The following IQSEC1 variants were observed in gnomAD, a reference collection of about 807,000 sequenced individuals.
The protein encoded by IQSEC1 is IQ motif and SEC7 domain-containing protein 1.
Under a neutral mutation model 91.0 loss-of-function variants are expected in IQSEC1, and 31 were observed. That is an observed-to-expected ratio of 0.34 (90% CI 0.26 to 0.46). The LOEUF is 0.46. Ranked by LOEUF, IQSEC1 falls within the 20% of genes least tolerant of loss-of-function variation. IQSEC1 has a pLI of 1.00. For missense variants in IQSEC1, 1,388 were observed against 1,575.6 expected (o/e 0.88, Z 2.02); for synonymous variants, 699 against 662.6 (o/e 1.05, Z -0.84).
intron 1 of IQSEC1, among the ~76,000 whole-genome samples, chr3:12,951,443 C>G (rs1239154119): frequency 8.8e-6 from 1 of 114,086 alleles, no homozygotes; most frequent in Admixed American, 8.9e-5. Flanking sequence ...GAACCTCTAT[C>G]TCAAAAAAAA....
At chr3:12,948,294 C>T (rs1438645474) in intron 1 of IQSEC1, among the ~76,000 whole-genome samples, 23 of 152,258 alleles carry the variant, frequency 1.5e-4, no homozygotes, top group Admixed American at 1.5e-3. Context: ...GAAGGGCAGA[C>T]AAGCCTAGTG....
intron 2 of IQSEC1, among the ~76,000 whole-genome samples, chr3:13,119,750 G>C (rs1706393504): frequency 6.6e-6 from 1 of 152,234 alleles, no homozygotes; most frequent in African/African-American, 2.4e-5. Flanking sequence ...CGATTGTGAT[G>C]GATGACACCG....
chr3:13,085,921 T>C (rs532981250), intron 2 of IQSEC1, among the ~76,000 whole-genome samples: 3 of 152,310 alleles, frequency 2.0e-5, no homozygotes, highest in East Asian at 1.9e-4. Context: ...TGTCACCCGC[T>C]ATCCTTACCC....
intron 1 of IQSEC1, among the ~76,000 whole-genome samples, chr3:13,014,002 GC>G (rs1203597771): frequency 1.3e-5 from 2 of 152,202 alleles, no homozygotes; most frequent in Non-Finnish European, 2.9e-5. Flanking sequence ...ACCGAAATGG[GC>G]CTTGAACACA....
intron 8 of IQSEC1, 75 bp downstream of exon 8, chr3:12,915,029 C>T: frequency 1.4e-6 from 2 of 1,470,170 alleles, no homozygotes; most frequent in Non-Finnish European, 1.9e-6. Flanking sequence ...GCCTGGGGAG[C>T]CGGCGGACTG....
At chr3:13,086,557 G>T (rs750514339) in intron 2 of IQSEC1, among the ~76,000 whole-genome samples, 2 of 152,160 alleles carry the variant, frequency 1.3e-5, no homozygotes, top group Non-Finnish European at 2.9e-5. Context: ...CGTGGTAAAT[G>T]CAAATCAGAC....
chr3:12,945,522 C>T (rs1250525301), intron 1 of IQSEC1, among the ~76,000 whole-genome samples: 1 of 146,954 alleles, frequency 6.8e-6, no homozygotes, highest in East Asian at 1.9e-4. Context: ...GGCAGCCCTT[C>T]CACACTCCAA....
chr3:13,214,071 G>C lies in IQSEC1; in HGVS notation c.273-49938C>G, dbSNP rs1237316302. Among the ~76,000 whole-genome samples, 1 of 152,076 alleles carries C rather than the reference G, an allele frequency of 6.6e-6. No individual in the cohort carries two copies. Among genetic ancestry groups the C allele is most frequent in the Non-Finnish European group, 1.5e-5 (1 of 68,022 alleles). On this transcript the variant is annotated intron_variant, in intron 1 of 15. Transcript: ENST00000648114. This position sits in a 1 kb window ranked among gnomAD's most constrained non-coding sequence, Gnocchi z 4.5. ...TGATAGGCCTGTCCCCTGTGTCCCT[G>C]TCCACTGTGCTCTGTCCACACGGCC...
intron 1 of IQSEC1, among the ~76,000 whole-genome samples, chr3:13,232,095 G>A (rs1694847796): frequency 6.6e-6 from 1 of 152,214 alleles, no homozygotes; most frequent in Non-Finnish European, 1.5e-5. Context: ...AATAGTTAGG[G>A]CACTGTACTG....
intron 1 of IQSEC1, among the ~76,000 whole-genome samples, chr3:13,240,537 A>G (rs13059773): frequency 0.076 from 11,581 of 152,158 alleles, 817 homozygotes; most frequent in African/African-American, 0.18. Context: ...ATGAATGGCA[A>G]GGGAGCCTGG....
chr3:13,175,784 T>C (rs943013033), intron 1 of IQSEC1, among the ~76,000 whole-genome samples: 2 of 152,246 alleles, frequency 1.3e-5, no homozygotes, highest in African/African-American at 4.8e-5. Flanking sequence ...ACTTTGGTGC[T>C]GTCCTCATAT....
rs569920734 is a variant in IQSEC1, at chr3:12,970,626, C to G, written c.24-28761G>C. 6.6e-6 allele frequency among the ~76,000 whole-genome samples: 1 copy of G among 152,134 alleles called. No individual in the cohort carries two copies. The highest frequency in any genetic ancestry group is 1.5e-5 in the Non-Finnish European group (1 of 68,038). Reference sequence around the variant, plus strand: ...CCTGGTTCATCTCTCCATCCCTTACCTCTCCTCCTGCCCACTCTATGCCTG... The same window carrying G: ...CCTGGTTCATCTCTCCATCCCTTACGTCTCCTCCTGCCCACTCTATGCCTG... On this transcript the variant is annotated intron_variant, in intron 1 of 13. Transcript: ENST00000613206. This position sits in a 1 kb window ranked among gnomAD's most constrained non-coding sequence, Gnocchi z 4.4.
intron 2 of IQSEC1, among the ~76,000 whole-genome samples, chr3:13,163,039 T>C (rs1707206849): frequency 6.6e-6 from 1 of 152,142 alleles, no homozygotes; most frequent in Admixed American, 6.5e-5. Context: ...AGCATGCCTC[T>C]GCTTCCTGCG....
At chr3:13,085,895 C>A in intron 2 of IQSEC1, among the ~76,000 whole-genome samples, 1 of 152,240 alleles carries the variant, frequency 6.6e-6, no homozygotes, top group Non-Finnish European at 1.5e-5. Context: ...TCAGACAGTC[C>A]TCACCTGCAG....
At chr3:12,929,430 A>G (rs1697458957) in intron 3 of IQSEC1, among the ~76,000 whole-genome samples, 1 of 152,204 alleles carries the variant, frequency 6.6e-6, no homozygotes, top group Admixed American at 6.5e-5. Flanking sequence ...CTGGGCAGAG[A>G]GCCAGGAAGA....
intron 1 of IQSEC1, among the ~76,000 whole-genome samples, chr3:13,024,477 C>T (rs927480938): frequency 7.4e-6 from 1 of 135,950 alleles, no homozygotes. Context: ...ATCCACCCAT[C>T]CATCCATCTG....
intron 2 of IQSEC1, among the ~76,000 whole-genome samples, chr3:13,162,639 A>G (rs1707197907): frequency 6.6e-6 from 1 of 152,178 alleles, no homozygotes; most frequent in Admixed American, 6.5e-5. Context: ...ATTAAATAAG[A>G]ATATACGTAC....
chr3:12,944,581 G>A (rs1490973761), intron 1 of IQSEC1, among the ~76,000 whole-genome samples: 2 of 152,178 alleles, frequency 1.3e-5, no homozygotes, highest in Non-Finnish European at 2.9e-5. Flanking sequence ...TTTGCAGCCC[G>A]AGGGCACATC....
chr3:13,225,131 C>T (rs1353068786), intron 1 of IQSEC1, among the ~76,000 whole-genome samples: 2 of 152,210 alleles, frequency 1.3e-5, no homozygotes, highest in Non-Finnish European at 2.9e-5. Context: ...TACCATAGTC[C>T]GCCCCATGAC....
Sources: gnomAD v4.1 joint callset for allele counts (sites outside exome capture counted in the v4.1 genomes callset) on GRCh38, gnomAD v4.1.1 for gene constraint, Gnocchi (gnomAD v3.1) non-coding constraint, MANE v1.5 for transcripts, NCBI Gene and HGNC (gene_info 2026-07-23, HGNC 2026-07-21) for gene names.